Variants in GATAD2B observed in about 807,000 individuals in gnomAD.
GATAD2B encodes the protein transcriptional repressor p66-beta.
In GATAD2B, 8 loss-of-function variants were observed where a neutral mutation model predicts 64.3. That is an observed-to-expected ratio of 0.12 (90% confidence interval 0.07 to 0.22). GATAD2B has a LOEUF of 0.22. GATAD2B is among the 10% of genes least tolerant of loss of function. GATAD2B has a pLI of 1.00. For missense variants in GATAD2B, 453 were observed against 752.0 expected (o/e 0.60, Z 4.65); for synonymous variants, 281 against 271.3 (o/e 1.04, Z -0.35).
chr1:153,905,553 GAA>G (rs769120730), intron 1 of GATAD2B, among the ~76,000 whole-genome samples: 8 of 64,662 alleles, frequency 1.2e-4, no homozygotes, highest in Non-Finnish European at 2.2e-4. Flanking sequence ...AACAATTTTG[GAA>G]AAAAAAAAAA....
At chr1:153,904,944 TG>T (rs2101963550) in intron 1 of GATAD2B, among the ~76,000 whole-genome samples, 1 of 152,190 alleles carries the variant, frequency 6.6e-6, no homozygotes, top group African/African-American at 2.4e-5. Flanking sequence ...TGACCTCAGG[TG>T]ATCTGCCTGC....
chr1:153,812,493 C>T (rs1674329093), intron 8 of GATAD2B, among the ~76,000 whole-genome samples: 1 of 152,198 alleles, frequency 6.6e-6, no homozygotes, highest in African/African-American at 2.4e-5. Flanking sequence ...ATCCTCCTCT[C>T]TTTCTCCAGG....
intron 1 of GATAD2B, among the ~76,000 whole-genome samples, chr1:153,902,569 C>T (rs148090028): frequency 9.2e-5 from 14 of 152,182 alleles, no homozygotes; most frequent in Non-Finnish European, 1.6e-4. Context: ...ATTCTCTTAC[C>T]TCAGCCTCCT....
chr1:153,895,543 G>T (rs1213853819), intron 1 of GATAD2B, among the ~76,000 whole-genome samples: 1 of 151,682 alleles, frequency 6.6e-6, no homozygotes, highest in Non-Finnish European at 1.5e-5. Flanking sequence ...TCGTGCCACT[G>T]CACTCTAGCC....
At chr1:153,885,123 T>C (rs1677139394) in intron 1 of GATAD2B, among the ~76,000 whole-genome samples, 1 of 152,042 alleles carries the variant, frequency 6.6e-6, no homozygotes, top group Admixed American at 6.6e-5. Flanking sequence ...ATGAAGTCAC[T>C]CATACAGCTC....
At chr1:153,812,362 T>C in intron 8 of GATAD2B, 1 of 490,462 alleles carries the variant, frequency 2.0e-6, no homozygotes, top group Non-Finnish European at 3.6e-6. Flanking sequence ...AACCTGGAGG[T>C]GTTCTTACCT....
chr1:153,826,996 G>A (rs892467486), intron 2 of GATAD2B, among the ~76,000 whole-genome samples: 3 of 149,400 alleles, frequency 2.0e-5, no homozygotes, highest in Non-Finnish European at 3.0e-5. Context: ...TCCATAATCC[G>A]GCACTTTAGG....
At chr1:153,860,712 G>C (rs575946203) in intron 1 of GATAD2B, among the ~76,000 whole-genome samples, 2 of 152,202 alleles carry the variant, frequency 1.3e-5, no homozygotes, top group South Asian at 4.1e-4. Context: ...CCAGGCTGGA[G>C]TGCCGTGGCA....
chr1:153,819,969 G>A (rs948306941), intron 2 of GATAD2B, among the ~76,000 whole-genome samples: 7 of 152,020 alleles, frequency 4.6e-5, no homozygotes, highest in Middle Eastern at 3.4e-3. Flanking sequence ...ATGGCGGCGC[G>A]CACCTGTAGT....
At chr1:153,912,296 G>A (rs1354732176) in intron 1 of GATAD2B, among the ~76,000 whole-genome samples, 4 of 152,146 alleles carry the variant, frequency 2.6e-5, no homozygotes, top group African/African-American at 7.2e-5. Context: ...GGAATGCACT[G>A]AAGGTGAAGG....
At chr1:153,830,478 A>ATTTTTTTTTTTTTTTTTTT (rs1158508480) in intron 1 of GATAD2B, among the ~76,000 whole-genome samples, 1 of 85,926 alleles carries the variant, frequency 1.2e-5, no homozygotes, top group Non-Finnish European at 2.4e-5. Context: ...TATTTTATTT[A>ATTTTTTTTTTTTTTTTTTT]TTTATTTTTT....
chr1:153,861,781 CAA>C (rs869141712), intron 1 of GATAD2B, among the ~76,000 whole-genome samples: 2 of 85,718 alleles, frequency 2.3e-5, no homozygotes, highest in African/African-American at 8.6e-5. Context: ...GACTCCATTT[CAA>C]AAAAAAAAAA....
At chr1:153,885,004 G>A (rs540697601) in intron 1 of GATAD2B, among the ~76,000 whole-genome samples, 5 of 152,146 alleles carry the variant, frequency 3.3e-5, no homozygotes, top group East Asian at 1.9e-4. Context: ...AGATCCTCCC[G>A]CTTCGGCCTC....
chr1:153,913,516 C>A (rs1210017881), intron 1 of GATAD2B, among the ~76,000 whole-genome samples: 2 of 152,132 alleles, frequency 1.3e-5, no homozygotes, highest in Non-Finnish European at 2.9e-5. Flanking sequence ...TACAACTATC[C>A]TCCTGGGAAT....
rs577823480 is a variant in GATAD2B, at chr1:153,908,136, A to T, written c.-2+14597T>A. Among the ~76,000 whole-genome samples the T allele has an allele frequency of 2.0e-5, 3 of 152,220 alleles. No individual in the cohort carries two copies. In the East Asian group the frequency reaches 5.8e-4, roughly 29 times the overall value. On this transcript the variant is annotated intron_variant, in intron 1 of 10. Transcript: ENST00000368655. ...TAAATTTTATGTTATGTACATTTTA[A>T]CACAAACACACACTCACGCACGCAC...
At chr1:153,861,188 G>A (rs1353812263) in intron 1 of GATAD2B, among the ~76,000 whole-genome samples, 1 of 152,088 alleles carries the variant, frequency 6.6e-6, no homozygotes. Flanking sequence ...AACTGAGAAG[G>A]ACGCCTGCCT....
intron 1 of GATAD2B, among the ~76,000 whole-genome samples, chr1:153,856,117 A>G (rs952069626): frequency 1.3e-5 from 2 of 152,186 alleles, no homozygotes; most frequent in African/African-American, 4.8e-5. Flanking sequence ...TCTGACTGCC[A>G]ACTCTTTGAC....
At chr1:153,881,543 CCT>C (rs1557820103) in intron 1 of GATAD2B, among the ~76,000 whole-genome samples, 1 of 152,082 alleles carries the variant, frequency 6.6e-6, no homozygotes, top group Non-Finnish European at 1.5e-5. Context: ...CCATTAGAAA[CCT>C]CAGCATATTA....
chr1:153,911,361 G>A (rs1196741191), intron 1 of GATAD2B, among the ~76,000 whole-genome samples: 1 of 152,108 alleles, frequency 6.6e-6, no homozygotes, highest in Non-Finnish European at 1.5e-5. Context: ...AAAAGAAAGA[G>A]CTAATGTGAC....
Sources: allele counts gnomAD v4.1 joint callset (sites outside exome capture counted in the v4.1 genomes callset), GRCh38; gene constraint gnomAD v4.1.1; transcripts MANE v1.5; gene names NCBI Gene and HGNC (gene_info 2026-07-23, HGNC 2026-07-21).